The following DTD1 variants were observed in gnomAD, a reference collection of about 807,000 sequenced individuals.
DTD1 encodes D-aminoacyl-tRNA deacylase 1.
DTD1 carries 13 observed loss-of-function variants against 25.6 expected under a neutral mutation model. That is an observed-to-expected ratio of 0.51 (90% confidence interval 0.33 to 0.81). The LOEUF is 0.81. DTD1 is among the 30% of genes least tolerant of loss of function. The probability of loss-of-function intolerance (pLI) is 0.02; values close to 1 mark genes in which losing one functional copy is unlikely to be tolerated. For synonymous variants in DTD1, 110 were observed against 103.6 expected (o/e 1.06, Z -0.37); for missense variants, 193 against 266.4 (o/e 0.72, Z 1.92).
At chr20:18,678,013 A>C (rs976403343) in intron 4 of DTD1, among the ~76,000 whole-genome samples, 11 of 152,250 alleles carry the variant, frequency 7.2e-5, no homozygotes, top group Non-Finnish European at 1.6e-4. Flanking sequence ...GATAAATTAG[A>C]AATGCAGGTT....
rs1016922508 is a variant in DTD1 at position 18,765,748 on chromosome 20, T to C, written c.*2408T>C. 14 of 152,218 alleles carry C rather than the reference T, an allele frequency of 9.2e-5. No homozygotes were observed. Among genetic ancestry groups the C allele is most frequent in the Admixed American group, 4.6e-4 (7 of 15,288 alleles). 9.4% of individuals were successfully genotyped at this position (152,218 alleles called of 1,614,324 possible). ...GCTAAAATTAGATTTTGGGTGGCAT[T>C]CTTGTGGAGAATAAATCTCTCAGTC... On this transcript the variant is annotated 3_prime_UTR_variant, in exon 6 of 6. Transcript: ENST00000377452.
chr20:18,635,902 G>C (rs1035893594), intron 4 of DTD1, among the ~76,000 whole-genome samples: 1 of 152,100 alleles, frequency 6.6e-6, no homozygotes, highest in Admixed American at 6.5e-5. Context: ...ATTGAAAAGA[G>C]TTTTTTTCTC....
chr20:18,656,682 A>C (rs1469906481), intron 4 of DTD1, among the ~76,000 whole-genome samples: 2 of 152,114 alleles, frequency 1.3e-5, no homozygotes, highest in Non-Finnish European at 2.9e-5. Flanking sequence ...CACATAGCTA[A>C]CACCACACCC....
At chr20:18,708,304 AT>A (rs2061142210) in intron 4 of DTD1, among the ~76,000 whole-genome samples, 2 of 55,680 alleles carry the variant, frequency 3.6e-5, no homozygotes, top group Non-Finnish European at 6.8e-5. Context: ...TATAATATAT[AT>A]ATTTTATATA....
intron 1 of DTD1, among the ~76,000 whole-genome samples, chr20:18,593,297 T>C (rs540110637): frequency 6.6e-6 from 1 of 152,360 alleles, no homozygotes; most frequent in South Asian, 2.1e-4. Context: ...TTGTGCTTCC[T>C]GTATACTGTG....
chr20:18,731,302 T>C (rs2061238502), intron 4 of DTD1, among the ~76,000 whole-genome samples: 1 of 152,244 alleles, frequency 6.6e-6, no homozygotes, highest in African/African-American at 2.4e-5. Flanking sequence ...CATCTTTTCC[T>C]CTGGGTATCA....
chr20:18,693,685 A>C lies in DTD1; in HGVS notation c.478-50415A>C, dbSNP rs368775132. Among the ~76,000 whole-genome samples the C allele has an allele frequency of 3.7e-3, 557 of 151,260 alleles. 3 individuals carry two copies. Among genetic ancestry groups the C allele is most frequent in the African/African-American group, 0.013 (539 of 41,248 alleles). On this transcript the variant is annotated intron_variant, in intron 4 of 5. Transcript: ENST00000377452. ...AAAAAAAAAAAAAATTGTCTTCCGC[A>C]TGGATCACACTTATTTATTAGACAT...
At chr20:18,588,693 CCCCTCG>C in intron 1 of DTD1, 2 of 984,706 alleles carry the variant, frequency 2.0e-6, no homozygotes, top group Non-Finnish European at 2.4e-6. Context: ...GCCCAGGACG[CCCCTCG>C]CCCTCGCCCG....
At chr20:18,743,794 G>A (rs187278428) in intron 4 of DTD1, among the ~76,000 whole-genome samples, 1 of 152,086 alleles carries the variant, frequency 6.6e-6, no homozygotes, top group Admixed American at 6.5e-5. Context: ...CATATATGGA[G>A]CTCTTCTAAG....
chr20:18,695,099 TC>T (rs1465384626), intron 4 of DTD1, among the ~76,000 whole-genome samples: 1 of 152,060 alleles, frequency 6.6e-6, no homozygotes, highest in Non-Finnish European at 1.5e-5. Context: ...AGTTAAGAGT[TC>T]AGATCAGATC....
chr20:18,644,295 T>C (rs1181382707), intron 4 of DTD1, among the ~76,000 whole-genome samples: 1 of 152,198 alleles, frequency 6.6e-6, no homozygotes, highest in Non-Finnish European at 1.5e-5. Context: ...ATATGGGCTC[T>C]ACAATCTTTA....
chr20:18,717,421 A>G (rs1367749365), intron 4 of DTD1, among the ~76,000 whole-genome samples: 1 of 152,134 alleles, frequency 6.6e-6, no homozygotes, highest in Non-Finnish European at 1.5e-5. Flanking sequence ...GTTTTTGGTA[A>G]ATTTTAGCTT....
At chr20:18,698,391 C>G (rs2061088505) in intron 4 of DTD1, 1 of 152,220 alleles carries the variant, frequency 6.6e-6, no homozygotes, top group Admixed American at 6.5e-5. Flanking sequence ...GTTATTTCAT[C>G]TATACATATT....
chr20:18,658,151 G>A (rs1358149062), intron 4 of DTD1, among the ~76,000 whole-genome samples: 4 of 151,736 alleles, frequency 2.6e-5, no homozygotes, highest in Non-Finnish European at 5.9e-5. Context: ...AGGTATCTGG[G>A]GGAAGAACAT....
intron 5 of DTD1, among the ~76,000 whole-genome samples, chr20:18,756,511 A>T (rs2122537087): frequency 6.6e-6 from 1 of 152,344 alleles, no homozygotes; most frequent in Middle Eastern, 3.4e-3. Flanking sequence ...TCCCAGCACC[A>T]TTTATTAAAT....
intron 4 of DTD1, among the ~76,000 whole-genome samples, chr20:18,731,713 ATTG>A (rs1330074185): frequency 6.6e-6 from 1 of 152,034 alleles, no homozygotes; most frequent in Non-Finnish European, 1.5e-5. Context: ...TCTCTCCATC[ATTG>A]TTATGTCATT....
intron 4 of DTD1, among the ~76,000 whole-genome samples, chr20:18,669,598 C>G (rs543682365): frequency 3.3e-5 from 5 of 152,122 alleles, no homozygotes; most frequent in Non-Finnish European, 7.4e-5. Flanking sequence ...TGACCACTGT[C>G]GACTGAGCGC....
chr20:18,718,614 A>G (rs1230344710), intron 4 of DTD1, among the ~76,000 whole-genome samples: 1 of 152,234 alleles, frequency 6.6e-6, no homozygotes, highest in African/African-American at 2.4e-5. Flanking sequence ...AGGTTGAACC[A>G]TATGAATTTG....
At chr20:18,758,005 T>C (rs1256163366) in intron 5 of DTD1, among the ~76,000 whole-genome samples, 2 of 152,136 alleles carry the variant, frequency 1.3e-5, no homozygotes, top group Non-Finnish European at 2.9e-5. Flanking sequence ...CTTGGGAGGG[T>C]GTATGTGTCG....
Sources: allele counts gnomAD v4.1 joint callset (sites outside exome capture counted in the v4.1 genomes callset), GRCh38; gene constraint gnomAD v4.1.1; transcripts MANE v1.5; gene names NCBI Gene and HGNC (gene_info 2026-07-23, HGNC 2026-07-21).